GATAD2B: variants seen among roughly 807,000 people sequenced by gnomAD.
GATAD2B encodes transcriptional repressor p66-beta.
In GATAD2B, 8 loss-of-function variants were observed where a neutral mutation model predicts 64.3. The ratio of observed to expected loss-of-function variants is 0.12; its 90% confidence interval spans 0.07 to 0.22. The LOEUF (loss-of-function observed/expected upper bound fraction) is 0.22. Among genes scored for constraint, GATAD2B ranks in the 10% least tolerant of loss-of-function variants. The pLI, the probability that GATAD2B is intolerant of heterozygous loss-of-function variation, is 1.00. For missense variants in GATAD2B, 453 were observed against 752.0 expected (o/e 0.60, Z 4.65); for synonymous variants, 281 against 271.3 (o/e 1.04, Z -0.35).
intron 1 of GATAD2B, chr1:153,852,031 G>A: frequency 2.3e-6 from 1 of 439,082 alleles, no homozygotes. Context: ...TGCCTAGCAG[G>A]GTTAATTTCA....
At chr1:153,818,594 G>A (rs971602903) in intron 4 of GATAD2B, among the ~76,000 whole-genome samples, 197 bp downstream of exon 4, 4 of 151,796 alleles carry the variant, frequency 2.6e-5, no homozygotes, top group South Asian at 2.1e-4. Flanking sequence ...AGTTACAGGC[G>A]TGAGCCACCG....
chr1:153,919,750 T>C (rs976141037), intron 1 of GATAD2B, among the ~76,000 whole-genome samples: 2 of 152,168 alleles, frequency 1.3e-5, no homozygotes, highest in African/African-American at 4.8e-5. Context: ...AAGCAAGAGG[T>C]GGACAGCTTT....
At chr1:153,870,353 C>T (rs749695204) in intron 1 of GATAD2B, among the ~76,000 whole-genome samples, 4 of 152,226 alleles carry the variant, frequency 2.6e-5, no homozygotes, top group East Asian at 1.9e-4. Context: ...GGCAGAATCA[C>T]GAGGTCAGGA....
Position 153,906,768 on chromosome 1 carries a change from T to C in GATAD2B, c.-2+15965A>G, listed in dbSNP as rs149133745. Among the ~76,000 whole-genome samples the C allele has an allele frequency of 4.3e-4, 66 of 152,284 alleles. No homozygotes were observed. The East Asian group carries it at 7.7e-3, about 18-fold the overall frequency. On this transcript the variant is annotated intron_variant, in intron 1 of 10. Coordinates refer to ENST00000368655, the MANE Select transcript of GATAD2B (RefSeq NM_020699.4). Reference sequence around the variant, plus strand: ...GGATAATGGATTAAAATCCAGAATATACAAAGAACTCCTACAACTTAGAAA... The same window carrying C: ...GGATAATGGATTAAAATCCAGAATACACAAAGAACTCCTACAACTTAGAAA...
At chr1:153,846,849 G>A (rs1193542566) in intron 1 of GATAD2B, among the ~76,000 whole-genome samples, 1 of 151,888 alleles carries the variant, frequency 6.6e-6, no homozygotes, top group African/African-American at 2.4e-5. Flanking sequence ...GTGAGCCACC[G>A]CACCTGGCCC....
chr1:153,814,813 G>A (rs1024438343), intron 7 of GATAD2B, among the ~76,000 whole-genome samples: 6 of 151,280 alleles, frequency 4.0e-5, no homozygotes, highest in African/African-American at 1.5e-4. Flanking sequence ...CCGTCTCTAA[G>A]AAAAACACAA....
rs71093290 is a variant in GATAD2B, at chr1:153,828,455, TACAC to T, written c.-1-111_-1-108del. On this transcript the variant is annotated intron_variant, in intron 1 of 10. Transcript: ENST00000368655. ...TTAACAAGAATCTCTCTCTCACACATACACACACACACACACACACACACACACA... is the reference window on the plus strand; with the variant it reads ...TTAACAAGAATCTCTCTCTCACACATACACACACACACACACACACACACA... The T allele has an allele frequency of 8.3e-3, 4,815 of 583,138 alleles. 39 individuals carry two copies. The highest frequency in any genetic ancestry group is 0.042 in the African/African-American group (2,171 of 51,764). 36.1% of individuals were successfully genotyped at this position (583,138 alleles called of 1,614,324 possible).
intron 1 of GATAD2B, among the ~76,000 whole-genome samples, chr1:153,860,392 T>C (rs1238118010): frequency 6.6e-6 from 1 of 152,138 alleles, no homozygotes; most frequent in Non-Finnish European, 1.5e-5. Context: ...TGGAGTGCAG[T>C]GGTGCAATCA....
In GATAD2B at chr1:153,812,087, T is replaced by C. The variant is rs771178346; in HGVS notation, c.1465A>G (p.Thr489Ala). Residue 489 changes from threonine (T) to alanine (A), a missense_variant, in exon 9 of 11, where the codon ACG becomes GCG. Thr to Ala is a moderately conservative substitution (Grantham distance 58). This residue lies in a region of GATAD2B where 160 missense variants were observed against 334.7 expected (regional missense o/e 0.48). Coordinates refer to ENST00000368655, the MANE Select transcript of GATAD2B (RefSeq NM_020699.4). ...CTGACACTGGACACAGCTGGAGCCG[T>C]AGTGGGGGAGAGGGCTGCCTGCTGC... ...LQQQAALSPT[T>A]APAVSSVSKQ... is the part of the protein sequence containing the mutation. The C allele has an allele frequency of 1.2e-6, 2 of 1,613,286 alleles. No individual in the cohort carries two copies. Among genetic ancestry groups the C allele is most frequent in the East Asian group, 2.2e-5 (1 of 44,884 alleles).
intron 1 of GATAD2B, among the ~76,000 whole-genome samples, chr1:153,921,236 T>C (rs537468579): frequency 1.4e-4 from 22 of 152,236 alleles, no homozygotes; most frequent in African/African-American, 5.1e-4. Context: ...CAACAACATA[T>C]AGGCACCATG....
intron 7 of GATAD2B, among the ~76,000 whole-genome samples, chr1:153,814,036 A>G (rs1674376917): frequency 6.6e-6 from 1 of 152,210 alleles, no homozygotes; most frequent in African/African-American, 2.4e-5. Flanking sequence ...ATGTTTCCTG[A>G]TTTTCTACTG....
At chr1:153,898,769 T>C (rs895987125) in intron 1 of GATAD2B, 1 of 152,122 alleles carries the variant, frequency 6.6e-6, no homozygotes, top group Admixed American at 6.6e-5. Flanking sequence ...AGCAGAAAAA[T>C]GAGATGAGGA....
At chr1:153,918,065 T>TTA (rs1678325708) in intron 1 of GATAD2B, among the ~76,000 whole-genome samples, 1 of 152,112 alleles carries the variant, frequency 6.6e-6, no homozygotes, top group African/African-American at 2.4e-5. Flanking sequence ...GGTTCTAAGA[T>TTA]AGAGTGTGAC....
In GATAD2B at chr1:153,816,479, G is replaced by C. The variant is rs753284491; in HGVS notation, c.1010C>G (p.Pro337Arg). Residue 337 changes from proline (P) to arginine (R), a missense_variant, in exon 7 of 11, where the codon CCT becomes CGT. Physicochemically the swap from Pro to Arg is moderately radical, Grantham distance 103 (BLOSUM62 -2). This residue lies in a region of GATAD2B where 160 missense variants were observed against 334.7 expected (regional missense o/e 0.48). Coordinates refer to ENST00000368655, the MANE Select transcript of GATAD2B (RefSeq NM_020699.4). This position sits in a 1 kb window ranked among gnomAD's most constrained non-coding sequence, Gnocchi z 4.9. ...GTVNRVSSPL[P>R]SPSAMTDAAN... ...AGCATCAGTCATGGCGCTGGGGCTA[G>C]GAAGTGGCGAGGACACTCTGTTCAC... 1.2e-6 allele frequency: 2 copies of C among 1,613,940 alleles called. No individual in the cohort carries two copies.
intron 1 of GATAD2B, chr1:153,890,726 T>C (rs370674839): frequency 3.3e-5 from 5 of 152,174 alleles, no homozygotes; most frequent in East Asian, 3.8e-4. Flanking sequence ...AAACACCATG[T>C]TGGCCAAAAC....
In GATAD2B at chr1:153,813,301, T is replaced by C; in HGVS notation, c.1368A>G (p.Glu456=). 1 of 1,614,224 alleles carries C rather than the reference T, an allele frequency of 6.2e-7. No homozygotes were observed. The highest frequency in any genetic ancestry group is 1.1e-5 in the South Asian group (1 of 91,090). ...TSNQKKALKA[E]HTNRLKNAFV... Reference sequence around the variant, plus strand: ...ATGCATTTTTCAGCCGGTTGGTGTGTTCAGCTTTTAGAGCCTTTTTCTGGT... The same window carrying C: ...ATGCATTTTTCAGCCGGTTGGTGTGCTCAGCTTTTAGAGCCTTTTTCTGGT... The change falls in exon 8 of 11, where the codon GAA becomes GAG. Residue 456 remains glutamate, a synonymous_variant. Coordinates refer to ENST00000368655, the MANE Select transcript of GATAD2B (RefSeq NM_020699.4).
intron 1 of GATAD2B, among the ~76,000 whole-genome samples, chr1:153,912,782 T>C (rs554297577): frequency 6.6e-6 from 1 of 152,272 alleles, no homozygotes; most frequent in East Asian, 1.9e-4. Flanking sequence ...ATCATTCAGA[T>C]AACCTTTACG....
intron 1 of GATAD2B, among the ~76,000 whole-genome samples, chr1:153,851,640 T>C (rs1010247426): frequency 1.2e-4 from 18 of 152,160 alleles, no homozygotes; most frequent in Non-Finnish European, 2.5e-4. Flanking sequence ...GTGAATTATA[T>C]TGAATTCAAA....
intron 2 of GATAD2B, among the ~76,000 whole-genome samples, chr1:153,826,225 G>A (rs1329633045): frequency 1.3e-5 from 2 of 151,932 alleles, no homozygotes; most frequent in Admixed American, 6.5e-5. Flanking sequence ...GGATGGTCTC[G>A]ATCTCCTGAC....
Sources: allele counts gnomAD v4.1 joint callset (sites outside exome capture counted in the v4.1 genomes callset), GRCh38; gene constraint gnomAD v4.1.1; regional missense constraint gnomAD v4.1.1; non-coding constraint Gnocchi (gnomAD v3.1); transcripts MANE v1.5; gene names NCBI Gene and HGNC (gene_info 2026-07-23, HGNC 2026-07-21).